Variants in LIMCH1 observed in about 807,000 individuals in gnomAD.
The protein encoded by LIMCH1 is LIM and calponin homology domains 1.
In LIMCH1, 113 loss-of-function variants were observed where a neutral mutation model predicts 176.5. That is an observed-to-expected ratio of 0.64 (90% CI 0.55 to 0.75). LIMCH1 has a LOEUF of 0.75. LIMCH1 is among the 30% of genes least tolerant of loss of function. The probability of loss-of-function intolerance (pLI) is 0.00; values close to 1 mark genes in which losing one functional copy is unlikely to be tolerated. For missense variants in LIMCH1, 1,674 were observed against 1,814.9 expected, an observed-to-expected ratio of 0.92 and a Z score of 1.41; for synonymous variants, 619 against 645.9, an observed-to-expected ratio of 0.96 and a Z score of 0.63.
At position 41,598,913 on chromosome 4, in the gene LIMCH1, C is replaced by G; in HGVS notation, c.-240-7C>G. 1 of 1,552,086 alleles carries G rather than the reference C, an allele frequency of 6.4e-7. No individual in the cohort carries two copies. Among genetic ancestry groups the G allele is most frequent in the Non-Finnish European group, 8.9e-7 (1 of 1,129,432 alleles). ...ATATAGACTTATATTTCTTTTTTTCCTTCTAGGACAATATTATCTTATTCT... is the reference window on the plus strand; with the variant it reads ...ATATAGACTTATATTTCTTTTTTTCGTTCTAGGACAATATTATCTTATTCT... On this transcript the variant is annotated splice_polypyrimidine_tract_variant and splice_region_variant and intron_variant, in intron 1 of 31. Transcript: ENST00000503057.
At chr4:41,564,831 G>A (rs998783373) in intron 1 of LIMCH1, among the ~76,000 whole-genome samples, 3 of 152,106 alleles carry the variant, frequency 2.0e-5, no homozygotes, top group Non-Finnish European at 2.9e-5. Context: ...TGTTGTTCTC[G>A]TGATGGTGAG....
At chr4:41,677,682 T>C (rs990749022) in intron 23 of LIMCH1, among the ~76,000 whole-genome samples, 1 of 152,184 alleles carries the variant, frequency 6.6e-6, no homozygotes, top group African/African-American at 2.4e-5. Flanking sequence ...TTATTAGCCC[T>C]TGTTTGCAAT....
chr4:41,436,796 G>A (rs1366854615), intron 1 of LIMCH1, among the ~76,000 whole-genome samples: 1 of 148,094 alleles, frequency 6.8e-6, no homozygotes, highest in South Asian at 2.2e-4. Flanking sequence ...GTATGGAGCT[G>A]GTTGAAAAAA....
chr4:41,693,145 T>C (rs1163553682), intron 31 of LIMCH1: 1 of 152,204 alleles, frequency 6.6e-6, no homozygotes, highest in Admixed American at 6.5e-5. Flanking sequence ...ATGAGTACAG[T>C]CCTTCTGGTG....
chr4:41,449,158 C>G (rs762050585), intron 1 of LIMCH1, among the ~76,000 whole-genome samples: 1 of 152,174 alleles, frequency 6.6e-6, no homozygotes, highest in Non-Finnish European at 1.5e-5. Context: ...ACCTCTCTCT[C>G]TCATCCCCTG....
intron 6 of LIMCH1, chr4:41,620,130 G>C (rs1015634052): frequency 1.1e-5 from 4 of 350,354 alleles, no homozygotes; most frequent in Non-Finnish European, 1.6e-5. Flanking sequence ...ATTGAATAAA[G>C]ATGTTATTAC....
intron 1 of LIMCH1, among the ~76,000 whole-genome samples, chr4:41,483,953 T>C (rs2069092927): frequency 6.6e-6 from 1 of 152,272 alleles, no homozygotes; most frequent in South Asian, 2.1e-4. Flanking sequence ...TGTTTTTTAC[T>C]AGTTTTGAGC....
upstream of LIMCH1, chr4:41,360,779 T>TGCG (rs1307938289): frequency 3.6e-5 from 48 of 1,321,116 alleles, no homozygotes; most frequent in Middle Eastern, 2.6e-4. The surrounding 1 kb of genome is among the most constrained non-coding windows in gnomAD (Gnocchi z 4.5). Flanking sequence ...AGCGCGCTCC[T>TGCG]GCGGCGGCGA....
At chr4:41,544,633 A>G (rs1002160328) in intron 1 of LIMCH1, among the ~76,000 whole-genome samples, 2 of 152,060 alleles carry the variant, frequency 1.3e-5, no homozygotes, top group Non-Finnish European at 2.9e-5. Context: ...TCTCCAAGCA[A>G]GGCTGGGTGG....
intron 1 of LIMCH1, among the ~76,000 whole-genome samples, chr4:41,421,914 C>T (rs2060634761): frequency 6.6e-6 from 1 of 152,044 alleles, no homozygotes; most frequent in Non-Finnish European, 1.5e-5. Context: ...GAAACCTCGT[C>T]TCTACTAAAA....
upstream of LIMCH1, among the ~76,000 whole-genome samples, chr4:41,535,871 T>A (rs548496992): frequency 2.6e-5 from 4 of 152,218 alleles, no homozygotes; most frequent in Non-Finnish European, 5.9e-5. Flanking sequence ...AAGCTTTTTT[T>A]TCCCCAACTT....
At chr4:41,452,803 A>G (rs2064053845) in intron 1 of LIMCH1, among the ~76,000 whole-genome samples, 1 of 152,208 alleles carries the variant, frequency 6.6e-6, no homozygotes, top group South Asian at 2.1e-4. Flanking sequence ...TCTGTTGTTA[A>G]TAGCAGTTTT....
intron 1 of LIMCH1, among the ~76,000 whole-genome samples, chr4:41,583,901 G>A (rs923955945): frequency 4.0e-5 from 6 of 151,774 alleles, no homozygotes; most frequent in South Asian, 2.1e-4. Flanking sequence ...TCCGAATACC[G>A]AAATTACTTC....
chr4:41,535,234 T>C (rs1220898928), upstream of LIMCH1, among the ~76,000 whole-genome samples: 3 of 150,744 alleles, frequency 2.0e-5, no homozygotes, highest in Non-Finnish European at 4.4e-5. Flanking sequence ...TGAGATATCA[T>C]ATCCATCCAA....
intron 1 of LIMCH1, among the ~76,000 whole-genome samples, chr4:41,455,937 G>A (rs755469110): frequency 1.1e-4 from 16 of 152,154 alleles, no homozygotes; most frequent in Non-Finnish European, 1.9e-4. Flanking sequence ...AAAATGACTA[G>A]TAAAATTACT....
intron 1 of LIMCH1, among the ~76,000 whole-genome samples, chr4:41,381,446 G>A (rs187789296): frequency 2.8e-4 from 43 of 152,330 alleles, no homozygotes; most frequent in African/African-American, 9.4e-4. Context: ...CCAAATTCAT[G>A]TTTCCCTCAC....
intron 9 of LIMCH1, among the ~76,000 whole-genome samples, chr4:41,630,596 A>T (rs2093266523): frequency 6.6e-6 from 1 of 152,212 alleles, no homozygotes; most frequent in Non-Finnish European, 1.5e-5. Context: ...CAAGGTAATG[A>T]TCATTTCTAG....
In LIMCH1 at chr4:41,569,810, C is replaced by G. The variant is rs991274516; in HGVS notation, c.-240-29110C>G. Among the ~76,000 whole-genome samples, 9 of 152,198 alleles carry G rather than the reference C, an allele frequency of 5.9e-5. 1 individual carries two copies. The highest frequency in any genetic ancestry group is 1.0e-4 in the Non-Finnish European group (7 of 68,036). ...CAGATTCTCAATATTAGCTGTGCAT[C>G]AAATTCACTTTAGTTCACTGAAAAA... On this transcript the variant is annotated intron_variant, in intron 1 of 31. Transcript: ENST00000503057.
chr4:41,674,445 G>T (rs966056892), intron 22 of LIMCH1, among the ~76,000 whole-genome samples: 8 of 152,210 alleles, frequency 5.3e-5, no homozygotes, highest in African/African-American at 1.9e-4. Context: ...GACAGGTGGA[G>T]CCAACTTCCA....
Sources: allele counts gnomAD v4.1 joint callset (sites outside exome capture counted in the v4.1 genomes callset), GRCh38; gene constraint gnomAD v4.1.1; non-coding constraint Gnocchi (gnomAD v3.1); transcripts MANE v1.5; gene names NCBI Gene and HGNC (gene_info 2026-07-23, HGNC 2026-07-21).